Variants in RABGAP1L observed in about 807,000 individuals in gnomAD.
RABGAP1L encodes the protein RAB GTPase activating protein 1 like.
A neutral mutation model predicts 137.7 loss-of-function variants in RABGAP1L; 63 were observed. The ratio of observed to expected loss-of-function variants is 0.46; its 90% confidence interval spans 0.37 to 0.56. RABGAP1L has a LOEUF of 0.56. RABGAP1L is among the 20% of genes least tolerant of loss of function. The probability of loss-of-function intolerance (pLI) is 0.00; values close to 1 mark genes in which losing one functional copy is unlikely to be tolerated. For synonymous variants in RABGAP1L, 431 were observed against 433.7 expected, an observed-to-expected ratio of 0.99 and a Z score of 0.08; for missense variants, 1,095 against 1,244.0, an observed-to-expected ratio of 0.88 and a Z score of 1.80.
intron 13 of RABGAP1L, among the ~76,000 whole-genome samples, chr1:174,515,905 T>C (rs1179002104): frequency 2.6e-5 from 4 of 152,112 alleles, no homozygotes; most frequent in African/African-American, 9.7e-5. Flanking sequence ...TACTATGATA[T>C]TTGTAACTTA....
intron 13 of RABGAP1L, among the ~76,000 whole-genome samples, chr1:174,406,124 C>A (rs1182801501): frequency 6.6e-6 from 1 of 152,018 alleles, no homozygotes; most frequent in Non-Finnish European, 1.5e-5. Flanking sequence ...TAATTTAAAT[C>A]AAATTTTCTT....
At chr1:174,216,545 CCT>C (rs1175460463) in intron 1 of RABGAP1L, among the ~76,000 whole-genome samples, 1 of 151,112 alleles carries the variant, frequency 6.6e-6, no homozygotes, top group East Asian at 1.9e-4. Flanking sequence ...CCAATTCCTC[CCT>C]CTCTCCCCCT....
chr1:174,891,291 G>C (rs975572883), intron 19 of RABGAP1L, among the ~76,000 whole-genome samples: 1 of 152,136 alleles, frequency 6.6e-6, no homozygotes, highest in Non-Finnish European at 1.5e-5. Flanking sequence ...TAGGGGGTAG[G>C]CCAGGAAATA....
intron 19 of RABGAP1L, among the ~76,000 whole-genome samples, chr1:174,876,365 A>G (rs1040262728): frequency 6.6e-6 from 1 of 152,206 alleles, no homozygotes; most frequent in Non-Finnish European, 1.5e-5. Flanking sequence ...GTCATGATCT[A>G]GAAAAAGCAG....
At chr1:174,525,020 T>C (rs927833452) in intron 13 of RABGAP1L, among the ~76,000 whole-genome samples, 1 of 152,096 alleles carries the variant, frequency 6.6e-6, no homozygotes, top group African/African-American at 2.4e-5. Flanking sequence ...TGTTGTGCTA[T>C]TCCCATGCTG....
intron 19 of RABGAP1L, among the ~76,000 whole-genome samples, chr1:174,914,358 CT>C (rs923478783): frequency 6.6e-6 from 1 of 152,298 alleles, no homozygotes; most frequent in African/African-American, 2.4e-5. Flanking sequence ...ACATATATCA[CT>C]TTTATTTACC....
chr1:174,386,027 T>G (rs1489086984), intron 12 of RABGAP1L, among the ~76,000 whole-genome samples: 1 of 152,218 alleles, frequency 6.6e-6, no homozygotes, highest in Non-Finnish European at 1.5e-5. Flanking sequence ...AATTTGATAG[T>G]GTCAGAGAAA....
chr1:174,914,422 T>A (rs932160027), intron 19 of RABGAP1L, among the ~76,000 whole-genome samples: 5 of 152,328 alleles, frequency 3.3e-5, no homozygotes, highest in African/African-American at 9.6e-5. Context: ...CTGGGAATGA[T>A]CATCTTTAGA....
chr1:174,579,918 G>A (rs372802710), intron 13 of RABGAP1L, among the ~76,000 whole-genome samples: 4 of 152,058 alleles, frequency 2.6e-5, no homozygotes, highest in Admixed American at 6.6e-5. Context: ...GTGCCACCAC[G>A]CCCAACTAAT....
chr1:174,493,147 C>T (rs1378005362), intron 13 of RABGAP1L, among the ~76,000 whole-genome samples: 1 of 147,660 alleles, frequency 6.8e-6, no homozygotes, highest in Non-Finnish European at 1.5e-5. Flanking sequence ...TTGCCTTAGC[C>T]CAAGAGTTTG....
intron 18 of RABGAP1L, among the ~76,000 whole-genome samples, chr1:174,754,015 G>GT (rs760779548): frequency 9.2e-5 from 14 of 152,046 alleles, no homozygotes; most frequent in Non-Finnish European, 1.9e-4. Context: ...ATATACATTA[G>GT]TAAATTATCT....
intron 13 of RABGAP1L, among the ~76,000 whole-genome samples, chr1:174,458,296 T>C (rs1656270074): frequency 6.6e-6 from 1 of 151,908 alleles, no homozygotes; most frequent in Admixed American, 6.6e-5. Flanking sequence ...CCTAAATATT[T>C]ACTTTACAGA....
At chr1:174,540,557 T>G (rs1256912130) in intron 13 of RABGAP1L, among the ~76,000 whole-genome samples, 1 of 152,230 alleles carries the variant, frequency 6.6e-6, no homozygotes, top group East Asian at 1.9e-4. Context: ...GGGAATCCTT[T>G]CCCCATTTCT....
chr1:174,392,703 A>T (rs1297188133), intron 12 of RABGAP1L, among the ~76,000 whole-genome samples: 2 of 152,228 alleles, frequency 1.3e-5, no homozygotes, highest in Admixed American at 6.5e-5. Context: ...AGAGGAAGGT[A>T]TGCCAATACT....
intron 6 of RABGAP1L, 30 bp downstream of exon 6, chr1:174,250,662 C>T: frequency 6.3e-7 from 1 of 1,599,182 alleles, no homozygotes; most frequent in Non-Finnish European, 8.5e-7. Flanking sequence ...TAAAAATTCG[C>T]ATTGTATCTG....
intron 13 of RABGAP1L, among the ~76,000 whole-genome samples, chr1:174,518,684 C>T (rs1416015138): frequency 6.6e-6 from 1 of 152,140 alleles, no homozygotes; most frequent in Non-Finnish European, 1.5e-5. Context: ...ATGAATGGCA[C>T]TTCCTTCAGG....
intron 19 of RABGAP1L, among the ~76,000 whole-genome samples, chr1:174,831,913 C>T (rs1303574680): frequency 6.8e-6 from 1 of 147,898 alleles, no homozygotes; most frequent in Non-Finnish European, 1.5e-5. Context: ...TCATGTAATA[C>T]ATTCTCAGTA....
rs1339159336 is a variant in RABGAP1L at position 174,159,598 on chromosome 1, G to A, written c.-93G>A. 1 of 152,434 alleles carries A rather than the reference G, an allele frequency of 6.6e-6. No homozygotes were observed. The highest frequency in any genetic ancestry group is 6.5e-5 in the Admixed American group (1 of 15,282). 9.4% of individuals were successfully genotyped at this position (152,434 alleles called of 1,614,324 possible). A position where few individuals can be genotyped will look rare whatever the true frequency, so the allele number is the denominator to read the frequency against. On this transcript the variant is annotated 5_prime_UTR_variant, in exon 1 of 26. In the 5' UTR this introduces an upstream ATG that the reference lacks. Transcript: ENST00000681986. Reference sequence around the variant, plus strand: ...CCGGCTTCAGAGCGCGAGGTGGAGGGTGGAACGCGGGCGCCTGAAGGAGTT... The same window carrying A: ...CCGGCTTCAGAGCGCGAGGTGGAGGATGGAACGCGGGCGCCTGAAGGAGTT...
chr1:174,172,208 G>GTA (rs1665466500), intron 1 of RABGAP1L, among the ~76,000 whole-genome samples: 1 of 124,790 alleles, frequency 8.0e-6, no homozygotes, highest in Non-Finnish European at 1.7e-5. Context: ...GTGTGTGTGT[G>GTA]TGTGTGTGTA....
Sources: gnomAD v4.1 joint callset for allele counts (sites outside exome capture counted in the v4.1 genomes callset) on GRCh38, gnomAD v4.1.1 for gene constraint, MANE v1.5 for transcripts, NCBI Gene and HGNC (gene_info 2026-07-23, HGNC 2026-07-21) for gene names.